Variants in SNRK observed in about 807,000 individuals in gnomAD.
SNRK encodes SNF-related serine/threonine-protein kinase.
A neutral mutation model predicts 48.2 loss-of-function variants in SNRK; 3 were observed. That is an observed-to-expected ratio of 0.06 (90% confidence interval 0.03 to 0.16). The LOEUF (loss-of-function observed/expected upper bound fraction) is 0.16. Ranked by LOEUF, SNRK falls within the 10% of genes least tolerant of loss-of-function variation. SNRK has a pLI of 1.00. For missense variants in SNRK, 627 were observed against 976.0 expected (o/e 0.64, Z 4.76); for synonymous variants, 376 against 366.1 (o/e 1.03, Z -0.31).
chr3:43,329,863 C>G (rs943499026), intron 3 of SNRK, among the ~76,000 whole-genome samples: 1 of 152,034 alleles, frequency 6.6e-6, no homozygotes, highest in Non-Finnish European at 1.5e-5. Flanking sequence ...AAGTTTTCTT[C>G]GGTCAAATAA....
At position 43,337,041 on chromosome 3, in the gene SNRK, C is replaced by T. The variant is rs188002080; in HGVS notation, c.732-3246C>T. 7.2e-4 allele frequency among the ~76,000 whole-genome samples: 108 copies of T among 149,932 alleles called. 1 individual carries two copies. The highest frequency in any genetic ancestry group is 2.6e-3 in the African/African-American group (105 of 40,774). On this transcript the variant is annotated intron_variant, in intron 4 of 6. Coordinates refer to ENST00000296088, the MANE Select transcript of SNRK (RefSeq NM_017719.5). ...TGCTGGGATTACAGGCATGAGCCAC[C>T]GCGCCTGGCCAAATATACATGTTTT...
chr3:43,345,124 C>A (rs1228902495), intron 6 of SNRK, among the ~76,000 whole-genome samples: 4 of 152,108 alleles, frequency 2.6e-5, no homozygotes, highest in Admixed American at 1.3e-4. Flanking sequence ...TTAAAAATAC[C>A]AGAGCTTTCT....
At position 43,347,282 on chromosome 3, in the gene SNRK, C is replaced by A; in HGVS notation, c.1080-57C>A. 1 of 1,483,568 alleles carries A rather than the reference C, an allele frequency of 6.7e-7. No homozygotes were observed. 91.9% of individuals were successfully genotyped at this position (1,483,568 alleles called of 1,614,324 possible). On this transcript the variant is annotated intron_variant, in intron 6 of 6. Coordinates refer to ENST00000296088, the MANE Select transcript of SNRK (RefSeq NM_017719.5). This position sits in a 1 kb window ranked among gnomAD's most constrained non-coding sequence, Gnocchi z 5.4. ...AGTAAGTTCATTGTGATGTACTTTA[C>A]TATCATCTGCATAATGATTATATGG...
At chr3:43,343,603 T>A in intron 6 of SNRK, 125 bp downstream of exon 6, 1 of 1,041,664 alleles carries the variant, frequency 9.6e-7, no homozygotes, top group Non-Finnish European at 1.4e-6. Context: ...GACGGCCTCA[T>A]TGGAGAGGCC....
At chr3:43,319,619 C>T (rs1001291772) in intron 3 of SNRK, among the ~76,000 whole-genome samples, 2 of 152,150 alleles carry the variant, frequency 1.3e-5, no homozygotes, top group African/African-American at 4.8e-5. Flanking sequence ...CCCCCTTGCT[C>T]AATAGTAAGG....
chr3:43,348,677 C>A lies in SNRK; in HGVS notation c.*120C>A. ...GGCGTTAGGAGCAATTATTTATTAC[C>A]TTTCCATTTGTTCGCCTGATGATGT... is the stretch of plus-strand genomic sequence containing the variant. On this transcript the variant is annotated 3_prime_UTR_variant, in exon 7 of 7. Transcript: ENST00000296088. 2 of 1,093,882 alleles carry A rather than the reference C, an allele frequency of 1.8e-6. No individual in the cohort carries two copies. Among genetic ancestry groups the A allele is most frequent in the Non-Finnish European group, 2.4e-6 (2 of 825,436 alleles). The allele number at this position is 1,093,882 out of a possible 1,614,324, so 67.8% of individuals were successfully genotyped here.
intron 3 of SNRK, among the ~76,000 whole-genome samples, chr3:43,307,823 T>A (rs1256278649): frequency 6.6e-6 from 1 of 152,180 alleles, no homozygotes; most frequent in Non-Finnish European, 1.5e-5. Flanking sequence ...TCTCTCACTT[T>A]AAGTCAAATG....
At chr3:43,309,214 A>G (rs2090960286) in intron 3 of SNRK, among the ~76,000 whole-genome samples, 2 of 152,076 alleles carry the variant, frequency 1.3e-5, no homozygotes, top group African/African-American at 2.4e-5. Flanking sequence ...AGGTGAAGAA[A>G]GTGGTTTCTT....
chr3:43,340,038 T>C (rs1204081686), intron 4 of SNRK, among the ~76,000 whole-genome samples: 1 of 151,490 alleles, frequency 6.6e-6, no homozygotes, highest in Non-Finnish European at 1.5e-5. Context: ...TTGATACCTA[T>C]AGTTAATTCT....
chr3:43,340,464 G>A lies in SNRK; in HGVS notation c.909G>A (p.Val303=). Residue 303 remains valine, a synonymous_variant, in exon 5 of 7, where the codon GTG becomes GTA. Transcript: ENST00000296088. ...ACAACAGCATCATTCAGCGCATGGTGCTTGGGGACATAGCGGATCGAGACG... is the reference window on the plus strand; with the variant it reads ...ACAACAGCATCATTCAGCGCATGGTACTTGGGGACATAGCGGATCGAGACG... ...EEHNSIIQRM[V]LGDIADRDAI... 1 of 1,614,210 alleles carries A rather than the reference G, an allele frequency of 6.2e-7. No individual in the cohort carries two copies. Among genetic ancestry groups the A allele is most frequent in the South Asian group, 1.1e-5 (1 of 91,086 alleles).
intron 3 of SNRK, among the ~76,000 whole-genome samples, chr3:43,305,185 T>C (rs1192992898): frequency 1.3e-5 from 2 of 152,208 alleles, no homozygotes; most frequent in Non-Finnish European, 1.5e-5. Context: ...GGAACTCTTA[T>C]TTAGAAGACA....
At chr3:43,291,490 C>A (rs1455837211) in intron 1 of SNRK, among the ~76,000 whole-genome samples, 1 of 152,060 alleles carries the variant, frequency 6.6e-6, no homozygotes, top group Non-Finnish European at 1.5e-5. Flanking sequence ...TATATACAAC[C>A]CCTTTCAAAT....
At position 43,327,264 on chromosome 3, in the gene SNRK, A is replaced by G. The variant is rs144597974; in HGVS notation, c.590-4905A>G. 2.8e-3 allele frequency among the ~76,000 whole-genome samples: 433 copies of G among 152,298 alleles called. 4 individuals carry two copies. Among genetic ancestry groups the G allele is most frequent in the African/African-American group, 9.8e-3 (409 of 41,560 alleles). Reference sequence around the variant, plus strand: ...AAAAGCAAAGGTCTTAGGTTTTATTATAGAACTCCTGGGACCTACACACTT... The same window carrying G: ...AAAAGCAAAGGTCTTAGGTTTTATTGTAGAACTCCTGGGACCTACACACTT... On this transcript the variant is annotated intron_variant, in intron 3 of 6. Coordinates refer to ENST00000296088, the MANE Select transcript of SNRK (RefSeq NM_017719.5).
At chr3:43,340,597 TAAGAGTTCCCAGTTGGC>T in intron 5 of SNRK, 98 bp downstream of exon 5, 1 of 1,038,890 alleles carries the variant, frequency 9.6e-7, no homozygotes, top group Non-Finnish European at 1.4e-6. Context: ...GTGTAATAGA[TAAGAGTTCCCAGTTGGC>T]AAGAGTTGTG....
Position 43,347,492 on chromosome 3 carries a change from TAAGA to T in SNRK, c.1238_1241del (p.Lys413MetfsTer19), listed in dbSNP as rs748953862. On this transcript the variant is annotated frameshift_variant, in exon 7 of 7. Transcript: ENST00000296088. LOFTEE classifies it high-confidence loss of function. This position sits in a 1 kb window ranked among gnomAD's most constrained non-coding sequence, Gnocchi z 5.4. Reference sequence around the variant, plus strand: ...GGAGCAAAGGCCTGTGTGACTCAGCTAAGAAAGATGACCTCCCTGAGTTGGCTGG... The same window carrying T: ...GGAGCAAAGGCCTGTGTGACTCAGCTAAGATGACCTCCCTGAGTTGGCTGG... The T allele has an allele frequency of 1.2e-6, 2 of 1,613,768 alleles. No individual in the cohort carries two copies. The highest frequency in any genetic ancestry group is 1.7e-5 in the Admixed American group (1 of 59,942).
intron 3 of SNRK, among the ~76,000 whole-genome samples, chr3:43,309,141 C>G (rs2125624060): frequency 6.6e-6 from 1 of 152,060 alleles, no homozygotes; most frequent in South Asian, 2.1e-4. Context: ...TGTGGATGAG[C>G]AAAGAAAGTG....
At chr3:43,325,256 C>T (rs2091086997) in intron 3 of SNRK, among the ~76,000 whole-genome samples, 1 of 152,190 alleles carries the variant, frequency 6.6e-6, no homozygotes, top group Non-Finnish European at 1.5e-5. Context: ...AGCTCTGCCT[C>T]CCGGGTTCAC....
chr3:43,315,874 T>C (rs2091009904), intron 3 of SNRK, among the ~76,000 whole-genome samples: 1 of 152,208 alleles, frequency 6.6e-6, no homozygotes, highest in Admixed American at 6.5e-5. Flanking sequence ...TGAAAGATAC[T>C]TTATACATCT....
At chr3:43,287,204 A>C (rs569047198) in intron 1 of SNRK, among the ~76,000 whole-genome samples, 15 of 152,286 alleles carry the variant, frequency 9.8e-5, no homozygotes, top group South Asian at 4.1e-4. Flanking sequence ...TCTGTAGAGA[A>C]AGGGCAAAGG....
Sources: gnomAD v4.1 joint callset for allele counts (sites outside exome capture counted in the v4.1 genomes callset) on GRCh38, gnomAD v4.1.1 for gene constraint, Gnocchi (gnomAD v3.1) non-coding constraint, MANE v1.5 for transcripts, NCBI Gene and HGNC (gene_info 2026-07-23, HGNC 2026-07-21) for gene names.